The following PAWR variants were observed in gnomAD, a reference collection of about 807,000 sequenced individuals.
PAWR encodes the protein pro-apoptotic WT1 regulator, also known as PRKC apoptosis WT1 regulator protein.
PAWR carries 23 observed loss-of-function variants against 32.0 expected under a neutral mutation model. That is an observed-to-expected ratio of 0.72 (90% confidence interval 0.52 to 1.02). PAWR has a LOEUF of 1.02. Among genes scored for constraint, PAWR ranks in the 50% least tolerant of loss-of-function variants. PAWR has a pLI of 0.00. For missense variants in PAWR, 457 were observed against 437.7 expected (o/e 1.04, Z -0.39); for synonymous variants, 226 against 187.1 (o/e 1.21, Z -1.70).
intron 4 of PAWR, among the ~76,000 whole-genome samples, chr12:79,608,424 C>A (rs1010448600): frequency 1.3e-5 from 2 of 152,088 alleles, no homozygotes; most frequent in Non-Finnish European, 2.9e-5. Context: ...ATAGGGTTCG[C>A]GCGCTCCTAT....
chr12:79,641,600 G>A (rs1050456790), intron 2 of PAWR, among the ~76,000 whole-genome samples: 6 of 152,226 alleles, frequency 3.9e-5, no homozygotes, highest in Admixed American at 2.0e-4. Context: ...TGTAATCCCA[G>A]CACTATGGGA....
intron 2 of PAWR, among the ~76,000 whole-genome samples, chr12:79,670,731 TAAAA>T (rs369727476): frequency 1.3e-5 from 2 of 151,614 alleles, no homozygotes; most frequent in African/African-American, 4.8e-5. Flanking sequence ...CAGTTCACAA[TAAAA>T]AAAAGGCTAT....
At chr12:79,610,485 C>T (rs532730990) in intron 4 of PAWR, among the ~76,000 whole-genome samples, 8 of 152,128 alleles carry the variant, frequency 5.3e-5, no homozygotes, top group Non-Finnish European at 8.8e-5. Flanking sequence ...ACAGAAATTA[C>T]GGGTTACCAA....
rs535242720 is a variant in PAWR at position 79,631,931 on chromosome 12, G to A, written c.517-10724C>T. ...GTGGATTGCCTGAGCTCAAGAGTTC[G>A]AGACCAGCCTGGGGAACATGATGAA... On this transcript the variant is annotated intron_variant, in intron 2 of 6. Coordinates refer to ENST00000328827, the MANE Select transcript of PAWR (RefSeq NM_002583.4). 5.3e-5 allele frequency among the ~76,000 whole-genome samples: 8 copies of A among 151,866 alleles called. No homozygotes were observed. In the South Asian group the frequency reaches 6.2e-4, roughly 12 times the overall value.
At chr12:79,593,666 T>TAAC (rs1043869638) in intron 6 of PAWR, among the ~76,000 whole-genome samples, 1 of 144,018 alleles carries the variant, frequency 6.9e-6, no homozygotes, top group Non-Finnish European at 1.5e-5. Context: ...TCTCAAAAAA[T>TAAC]AATAATAATA....
intron 2 of PAWR, among the ~76,000 whole-genome samples, chr12:79,686,615 T>C (rs1878690576): frequency 6.6e-6 from 1 of 152,218 alleles, no homozygotes; most frequent in African/African-American, 2.4e-5. Context: ...ATGCTATCAA[T>C]GTGCTGCTCA....
At chr12:79,688,865 T>C (rs979755724) in intron 2 of PAWR, among the ~76,000 whole-genome samples, 1 of 152,226 alleles carries the variant, frequency 6.6e-6, no homozygotes, top group Non-Finnish European at 1.5e-5. Flanking sequence ...CATGAGCTAC[T>C]ATCAAAGTAA....
At chr12:79,621,736 A>G (rs1875028412) in intron 2 of PAWR, among the ~76,000 whole-genome samples, 1 of 152,188 alleles carries the variant, frequency 6.6e-6, no homozygotes, top group African/African-American at 2.4e-5. Flanking sequence ...AAGAATGGCT[A>G]CAATTTGGAA....
intron 2 of PAWR, among the ~76,000 whole-genome samples, chr12:79,671,016 C>T (rs574848835): frequency 6.7e-6 from 1 of 148,974 alleles, no homozygotes; most frequent in African/African-American, 2.5e-5. Context: ...TAGCCAGGCA[C>T]AGTAGCACGA....
chr12:79,623,167 C>A (rs889165779), intron 2 of PAWR, among the ~76,000 whole-genome samples: 3 of 151,992 alleles, frequency 2.0e-5, no homozygotes, highest in Admixed American at 6.6e-5. Flanking sequence ...AATGATATAT[C>A]ATAGGTGGAA....
chr12:79,690,305 C>A lies in PAWR; in HGVS notation c.-61G>T. On this transcript the variant is annotated 5_prime_UTR_variant, in exon 2 of 7. Coordinates refer to ENST00000328827, the MANE Select transcript of PAWR (RefSeq NM_002583.4). ...CCGCCCACCAGGGCTCCGGCCGCTG[C>A]CTCCTCTTCCTTCCTGCGGCCCCGA... is the stretch of plus-strand genomic sequence containing the variant. 1 of 1,379,940 alleles carries A rather than the reference C, an allele frequency of 7.2e-7. No individual in the cohort carries two copies. 85.5% of individuals were successfully genotyped at this position (1,379,940 alleles called of 1,614,324 possible). A position where few individuals can be genotyped will look rare whatever the true frequency, so the allele number is the denominator to read the frequency against.
intron 2 of PAWR, among the ~76,000 whole-genome samples, chr12:79,673,410 G>A (rs1028879101): frequency 6.6e-6 from 1 of 152,198 alleles, no homozygotes; most frequent in African/African-American, 2.4e-5. Flanking sequence ...CCAATACAAA[G>A]AGAGAAAAGG....
intron 2 of PAWR, among the ~76,000 whole-genome samples, chr12:79,638,466 T>C (rs557287353): frequency 2.2e-4 from 33 of 152,240 alleles, no homozygotes; most frequent in African/African-American, 7.7e-4. Flanking sequence ...AATTTCTCCC[T>C]GTGGTTCTAT....
intron 4 of PAWR, among the ~76,000 whole-genome samples, chr12:79,598,568 C>T (rs1000089507): frequency 7.2e-5 from 11 of 152,154 alleles, no homozygotes; most frequent in Non-Finnish European, 1.5e-5. Flanking sequence ...ATTGATTCCT[C>T]ATCTATGAAT....
intron 2 of PAWR, among the ~76,000 whole-genome samples, chr12:79,661,127 T>A (rs923944351): frequency 1.3e-5 from 2 of 151,054 alleles, no homozygotes; most frequent in African/African-American, 4.9e-5. Flanking sequence ...AATTAGCCTG[T>A]AATCCCAGCT....
At chr12:79,643,204 GAAAGA>G (rs1876413902) in intron 2 of PAWR, among the ~76,000 whole-genome samples, 1 of 152,062 alleles carries the variant, frequency 6.6e-6, no homozygotes, top group Non-Finnish European at 1.5e-5. Flanking sequence ...TCAGAGGGAG[GAAAGA>G]AAAGAAGGTA....
At chr12:79,650,699 G>C (rs1876800462) in intron 2 of PAWR, among the ~76,000 whole-genome samples, 1 of 121,804 alleles carries the variant, frequency 8.2e-6, no homozygotes, top group Non-Finnish European at 1.6e-5. Flanking sequence ...AAGTTCAACA[G>C]AGCTTAAAGG....
intron 2 of PAWR, among the ~76,000 whole-genome samples, chr12:79,642,649 C>T (rs989979166): frequency 6.6e-6 from 1 of 152,132 alleles, no homozygotes; most frequent in South Asian, 2.1e-4. Flanking sequence ...TTTATAGTCT[C>T]ACTCTTAAGG....
At chr12:79,642,972 G>A (rs1876400601) in intron 2 of PAWR, among the ~76,000 whole-genome samples, 2 of 152,198 alleles carry the variant, frequency 1.3e-5, no homozygotes, top group African/African-American at 4.8e-5. Flanking sequence ...ACTATAATAG[G>A]AATTCTTTTA....
Sources: gnomAD v4.1 joint callset for allele counts (sites outside exome capture counted in the v4.1 genomes callset) on GRCh38, gnomAD v4.1.1 for gene constraint, MANE v1.5 for transcripts, NCBI Gene and HGNC (gene_info 2026-07-23, HGNC 2026-07-21) for gene names.